Variants in PCDHA6 observed in about 807,000 individuals in gnomAD.
PCDHA6 encodes protocadherin alpha-6.
In PCDHA6, 55 loss-of-function variants were observed where a neutral mutation model predicts 60.3. The observed-to-expected ratio is 0.91, with a 90% CI of 0.73 to 1.14. The LOEUF (loss-of-function observed/expected upper bound fraction) is 1.14. PCDHA6 is among the 50% of genes most tolerant of loss of function. The probability of loss-of-function intolerance (pLI) is 0.00; values close to 1 mark genes in which losing one functional copy is unlikely to be tolerated. For synonymous variants in PCDHA6, 652 were observed against 557.9 expected (o/e 1.17, Z -2.38); for missense variants, 1,327 against 1,256.5 (o/e 1.06, Z -0.85).
At chr5:140,850,442 G>A in intron 1 of PCDHA6, 1 of 1,598,036 alleles carries the variant, frequency 6.3e-7, no homozygotes, top group Non-Finnish European at 8.6e-7. Flanking sequence ...GCCTACTGGT[G>A]CTGGTGAAAG....
chr5:140,935,765 A>G (rs1554210670), intron 1 of PCDHA6, among the ~76,000 whole-genome samples: 1 of 152,080 alleles, frequency 6.6e-6, no homozygotes, highest in Non-Finnish European at 1.5e-5. Flanking sequence ...ATTCTTCCCC[A>G]CTTTGAGTTT....
At chr5:140,884,810 G>A in intron 1 of PCDHA6, 1 of 1,150,538 alleles carries the variant, frequency 8.7e-7, no homozygotes, top group Non-Finnish European at 1.2e-6. Context: ...CAACTCTGCT[G>A]TGGACATTAT....
intron 3 of PCDHA6, among the ~76,000 whole-genome samples, chr5:140,999,965 T>C (rs1439660759): frequency 1.3e-5 from 2 of 151,684 alleles, no homozygotes; most frequent in African/African-American, 4.8e-5. Flanking sequence ...TACCCAGGAG[T>C]AGCAGCTCTA....
At chr5:140,981,537 G>C (rs375537131) in intron 2 of PCDHA6, among the ~76,000 whole-genome samples, 2 of 152,290 alleles carry the variant, frequency 1.3e-5, no homozygotes, top group East Asian at 3.9e-4. Context: ...TCGTGCCACT[G>C]TACTCCAGCC....
intron 1 of PCDHA6, among the ~76,000 whole-genome samples, chr5:140,909,861 A>C (rs782745985): frequency 6.6e-6 from 1 of 152,186 alleles, no homozygotes. Context: ...GGTCCCCTGG[A>C]GTCAACGTCA....
intron 1 of PCDHA6, chr5:140,869,699 C>T (rs10071369): frequency 6.2e-7 from 1 of 1,613,378 alleles, no homozygotes; most frequent in East Asian, 2.2e-5. Context: ...TTAAAGAAGT[C>T]TCTGGATAGA....
intron 1 of PCDHA6, among the ~76,000 whole-genome samples, chr5:140,976,583 G>A (rs1360171256): frequency 8.6e-5 from 13 of 151,966 alleles, no homozygotes; most frequent in African/African-American, 3.1e-4. Flanking sequence ...ATAAAACACA[G>A]ACTTTTGTGT....
intron 1 of PCDHA6, among the ~76,000 whole-genome samples, chr5:140,874,119 G>C (rs1256177133): frequency 6.6e-6 from 1 of 152,064 alleles, no homozygotes; most frequent in Non-Finnish European, 1.5e-5. Flanking sequence ...ACGTTTTATA[G>C]TTTATTTAAG....
At chr5:140,890,747 G>C (rs2062780711) in intron 1 of PCDHA6, among the ~76,000 whole-genome samples, 1 of 152,024 alleles carries the variant, frequency 6.6e-6, no homozygotes, top group African/African-American at 2.4e-5. Context: ...TACTATTTCT[G>C]TCATGCTTTA....
At chr5:140,889,626 TC>T (rs2062301507) in intron 1 of PCDHA6, among the ~76,000 whole-genome samples, 1 of 152,228 alleles carries the variant, frequency 6.6e-6, no homozygotes, top group African/African-American at 2.4e-5. Flanking sequence ...TCATTTCTCT[TC>T]TTTTCATTTG....
At chr5:140,871,308 G>A (rs1554165414) in intron 1 of PCDHA6, 2 of 1,613,998 alleles carry the variant, frequency 1.2e-6, no homozygotes, top group Admixed American at 1.7e-5. Flanking sequence ...CGCCGGGGAA[G>A]CCCACGCTGG....
At chr5:140,965,490 C>G (rs115003344) in intron 1 of PCDHA6, among the ~76,000 whole-genome samples, 2,488 of 148,960 alleles carry the variant, frequency 0.017, 68 homozygotes, top group African/African-American at 0.057. Context: ...TGCTTAATGA[C>G]AGCAGATTTT....
intron 1 of PCDHA6, chr5:140,967,384 G>A (rs1422023127): frequency 2.5e-6 from 4 of 1,609,080 alleles, no homozygotes; most frequent in Non-Finnish European, 3.4e-6. Flanking sequence ...ACAGTAAAGT[G>A]CTTGAGCTGG....
At chr5:141,009,179 G>C (rs1343163889) in intron 3 of PCDHA6, among the ~76,000 whole-genome samples, 2 of 152,212 alleles carry the variant, frequency 1.3e-5, no homozygotes, top group Non-Finnish European at 2.9e-5. Flanking sequence ...CCTTGGCTGG[G>C]TGTGGTAGCT....
chr5:140,944,710 T>C (rs564606677), intron 1 of PCDHA6, among the ~76,000 whole-genome samples: 1 of 152,300 alleles, frequency 6.6e-6, no homozygotes, highest in East Asian at 1.9e-4. Flanking sequence ...TCAGGTTATT[T>C]TGCCTTTGAA....
At chr5:140,934,988 C>A (rs901740982) in intron 1 of PCDHA6, among the ~76,000 whole-genome samples, 5 of 152,154 alleles carry the variant, frequency 3.3e-5, no homozygotes, top group Non-Finnish European at 7.4e-5. Context: ...AGTGATAACA[C>A]CCTGAATCCT....
At position 140,924,046 on chromosome 5, in the gene PCDHA6, C is replaced by T. The variant is rs59270862; in HGVS notation, c.2395-54903C>T. Among the ~76,000 whole-genome samples, 1,259 of 152,276 alleles carry T rather than the reference C, an allele frequency of 8.3e-3. 10 individuals are homozygous for T. The highest frequency in any genetic ancestry group is 0.029 in the African/African-American group (1,206 of 41,556). ...AGGCATGGCTGCAGACCTAAAAGTT[C>T]GGTACATCTTTACAGTTGTATTTCA... is the stretch of plus-strand genomic sequence containing the variant. On this transcript the variant is annotated intron_variant, in intron 1 of 3. Coordinates refer to ENST00000529310, the MANE Select transcript of PCDHA6 (RefSeq NM_018909.4).
intron 3 of PCDHA6, among the ~76,000 whole-genome samples, chr5:140,993,156 A>G (rs2097543367): frequency 6.6e-6 from 1 of 152,188 alleles, no homozygotes; most frequent in Admixed American, 6.5e-5. Context: ...TGGATTCTAA[A>G]TATTTGCCTT....
rs376781836 is a variant in PCDHA6 at position 140,858,274 on chromosome 5, G to A, written c.2394+27789G>A. On this transcript the variant is annotated intron_variant, in intron 1 of 3. Coordinates refer to ENST00000529310, the MANE Select transcript of PCDHA6 (RefSeq NM_018909.4). ...AGCCCACGCTGGTGTGCTCTAGCGCGGTGGGGAGCTGGTCTTACTCGCAGC... is the reference window on the plus strand; with the variant it reads ...AGCCCACGCTGGTGTGCTCTAGCGCAGTGGGGAGCTGGTCTTACTCGCAGC... The A allele has an allele frequency of 1.3e-5, 21 of 1,597,416 alleles. 1 individual carries two copies. The African/African-American group carries it at 2.6e-4, about 19-fold the overall frequency.
Sources: gnomAD v4.1 joint callset for allele counts (sites outside exome capture counted in the v4.1 genomes callset) on GRCh38, gnomAD v4.1.1 for gene constraint, MANE v1.5 for transcripts, NCBI Gene and HGNC (gene_info 2026-07-23, HGNC 2026-07-21) for gene names.